The following CACNA2D3 variants were observed in gnomAD, a reference collection of about 807,000 sequenced individuals.
The protein encoded by CACNA2D3 is voltage-dependent calcium channel subunit alpha-2/delta-3.
Under a neutral mutation model 160.6 loss-of-function variants are expected in CACNA2D3, and 60 were observed. The ratio of observed to expected loss-of-function variants is 0.37; its 90% CI spans 0.30 to 0.46. The LOEUF (loss-of-function observed/expected upper bound fraction) is 0.46. Ranked by LOEUF, CACNA2D3 falls within the 20% of genes least tolerant of loss-of-function variation. The pLI is 1.00. For synonymous variants in CACNA2D3, 558 were observed against 492.9 expected, an observed-to-expected ratio of 1.13 and a Z score of -1.75; for missense variants, 1,205 against 1,365.0, an observed-to-expected ratio of 0.88 and a Z score of 1.85.
intron 11 of CACNA2D3, among the ~76,000 whole-genome samples, chr3:54,679,995 A>G (rs1213240802): frequency 6.6e-6 from 1 of 152,234 alleles, no homozygotes; most frequent in African/African-American, 2.4e-5. Flanking sequence ...TAAAACCTGT[A>G]CTTTATGAAA....
intron 3 of CACNA2D3, among the ~76,000 whole-genome samples, chr3:54,368,691 T>C (rs966004959): frequency 9.1e-6 from 1 of 110,140 alleles, no homozygotes; most frequent in Non-Finnish European, 1.9e-5. Context: ...GGGGGTAGGG[T>C]TCTTTTTTTT....
intron 35 of CACNA2D3, among the ~76,000 whole-genome samples, chr3:55,072,843 T>C (rs1042966292): frequency 2.6e-5 from 4 of 152,214 alleles, no homozygotes; most frequent in South Asian, 2.1e-4. Flanking sequence ...AGAGCAGATA[T>C]ACAGCCTTGG....
At chr3:55,073,747 C>A in intron 36 of CACNA2D3, 30 bp from the exon 37 acceptor site, 1 of 1,580,634 alleles carries the variant, frequency 6.3e-7, no homozygotes, top group Non-Finnish European at 8.7e-7. Flanking sequence ...AAAAAGCAAT[C>A]CTTGGAAACA....
chr3:54,873,880 G>T (rs982216916), intron 18 of CACNA2D3, among the ~76,000 whole-genome samples: 23 of 152,150 alleles, frequency 1.5e-4, no homozygotes, highest in African/African-American at 5.6e-4. Flanking sequence ...GGAGAATTCT[G>T]GAATCTACAG....
chr3:54,299,551 G>A (rs553848788), intron 2 of CACNA2D3, among the ~76,000 whole-genome samples: 60 of 152,310 alleles, frequency 3.9e-4, no homozygotes, highest in African/African-American at 1.2e-3. Flanking sequence ...TAAAGGAAGC[G>A]TAATGGTAAC....
At chr3:54,262,036 G>A (rs1186656888) in intron 2 of CACNA2D3, among the ~76,000 whole-genome samples, 3 of 152,128 alleles carry the variant, frequency 2.0e-5, no homozygotes, top group South Asian at 4.1e-4. Flanking sequence ...GGGTTTTGGG[G>A]GAGGGAGCAG....
At chr3:54,665,905 G>A (rs1305065457) in intron 11 of CACNA2D3, among the ~76,000 whole-genome samples, 2 of 151,810 alleles carry the variant, frequency 1.3e-5, no homozygotes, top group East Asian at 1.9e-4. Flanking sequence ...AGGTTCAAGC[G>A]ATACTCCTAC....
intron 11 of CACNA2D3, among the ~76,000 whole-genome samples, chr3:54,690,120 C>T (rs1345381113): frequency 2.6e-5 from 4 of 152,006 alleles, no homozygotes; most frequent in Admixed American, 2.6e-4. Context: ...TTAAGTCTGC[C>T]CACTTGTCAC....
At chr3:54,445,997 A>G (rs1008036499) in intron 4 of CACNA2D3, among the ~76,000 whole-genome samples, 2 of 152,194 alleles carry the variant, frequency 1.3e-5, no homozygotes, top group African/African-American at 4.8e-5. Context: ...GTGGCCTGAA[A>G]GAATGGATGA....
intron 11 of CACNA2D3, among the ~76,000 whole-genome samples, chr3:54,672,402 C>A (rs895116432): frequency 2.6e-5 from 4 of 152,176 alleles, no homozygotes; most frequent in Admixed American, 2.6e-4. Flanking sequence ...ATATTCTAAT[C>A]CTACCCTGCA....
chr3:54,464,529 T>G (rs547471051), intron 4 of CACNA2D3, among the ~76,000 whole-genome samples: 24 of 152,238 alleles, frequency 1.6e-4, no homozygotes, highest in African/African-American at 5.3e-4. Context: ...GATCTCAGAG[T>G]GCTGTGCTAG....
Position 54,568,017 on chromosome 3 carries a change from C to G in CACNA2D3, c.677-1778C>G, listed in dbSNP as rs191607924. Among the ~76,000 whole-genome samples the G allele has an allele frequency of 5.9e-5, 9 of 152,290 alleles. No individual in the cohort carries two copies. In the East Asian group the frequency reaches 1.7e-3, roughly 29 times the overall value. On this transcript the variant is annotated intron_variant, in intron 6 of 37. Coordinates refer to ENST00000474759, the MANE Select transcript of CACNA2D3 (RefSeq NM_018398.3). ...TTTTATTGTGCTATTTGTTGTAGTC[C>G]TTCATAGTTCCATTACACAGTCTCA...
chr3:54,215,539 A>G (rs1701445247), intron 2 of CACNA2D3, among the ~76,000 whole-genome samples: 1 of 152,204 alleles, frequency 6.6e-6, no homozygotes, highest in Non-Finnish European at 1.5e-5. Flanking sequence ...TGATTTTAGA[A>G]GCCAAGATCT....
At chr3:54,185,584 A>C (rs903751527) in intron 2 of CACNA2D3, among the ~76,000 whole-genome samples, 1 of 152,150 alleles carries the variant, frequency 6.6e-6, no homozygotes, top group African/African-American at 2.4e-5. Flanking sequence ...TCAACACTAA[A>C]TCCTGTAGAC....
At position 55,065,674 on chromosome 3, in the gene CACNA2D3, A is replaced by G. The variant is rs549863637; in HGVS notation, c.2988-7771A>G. 4.6e-5 allele frequency among the ~76,000 whole-genome samples: 7 copies of G among 151,238 alleles called. No individual in the cohort carries two copies. The South Asian group carries it at 1.5e-3, about 32-fold the overall frequency. The stretch of plus-strand genomic sequence containing the variant: ...AGAGCAAGACCATGTCGAAAGAAAG[A>G]AGAGAGAGGAGGGAGAGGGAAGGAG... On this transcript the variant is annotated intron_variant, in intron 35 of 37. Coordinates refer to ENST00000474759, the MANE Select transcript of CACNA2D3 (RefSeq NM_018398.3).
At chr3:54,838,324 G>A (rs1450017580) in intron 15 of CACNA2D3, among the ~76,000 whole-genome samples, 1 of 152,128 alleles carries the variant, frequency 6.6e-6, no homozygotes, top group Non-Finnish European at 1.5e-5. Context: ...TAGTATCTTG[G>A]TAGGATTATG....
At chr3:54,998,375 C>A (rs1267930504) in intron 31 of CACNA2D3, among the ~76,000 whole-genome samples, 1 of 152,238 alleles carries the variant, frequency 6.6e-6, no homozygotes. Context: ...CTCAAGTGAT[C>A]GGCCCACCTT....
At position 54,189,428 on chromosome 3, in the gene CACNA2D3, G is replaced by C. The variant is rs562453755; in HGVS notation, c.204+65834G>C. ...ACCATTTAGGGACAGGGCCAAAGTC[G>C]AGCACAAAGGCAGAAAGTGGTCCTG... On this transcript the variant is annotated intron_variant, in intron 2 of 37. Transcript: ENST00000474759. Among the ~76,000 whole-genome samples the C allele has an allele frequency of 6.6e-5, 10 of 152,266 alleles. No individual in the cohort carries two copies. The South Asian group carries it at 1.9e-3, about 28-fold the overall frequency.
At chr3:54,737,260 G>A (rs1431542670) in intron 11 of CACNA2D3, among the ~76,000 whole-genome samples, 1 of 151,122 alleles carries the variant, frequency 6.6e-6, no homozygotes, top group East Asian at 2.0e-4. Flanking sequence ...CAAAATAACT[G>A]TAAATTACAC....
Sources: gnomAD v4.1 joint callset for allele counts (sites outside exome capture counted in the v4.1 genomes callset) on GRCh38, gnomAD v4.1.1 for gene constraint, MANE v1.5 for transcripts, NCBI Gene and HGNC (gene_info 2026-07-23, HGNC 2026-07-21) for gene names.